Variants in MYZAP observed in about 807,000 individuals in gnomAD.
MYZAP encodes the protein myocardial zonula adherens protein.
MYZAP carries 66 observed loss-of-function variants against 69.4 expected under a neutral mutation model. The ratio of observed to expected loss-of-function variants is 0.95; its 90% CI spans 0.78 to 1.17. MYZAP has a LOEUF of 1.17. MYZAP is among the 50% of genes most tolerant of loss of function. The probability of loss-of-function intolerance (pLI) is 0.00; values close to 1 mark genes in which losing one functional copy is unlikely to be tolerated. For synonymous variants in MYZAP, 256 were observed against 205.9 expected (o/e 1.24, Z -2.09); for missense variants, 611 against 556.2 (o/e 1.10, Z -0.99).
In MYZAP at chr15:57,618,044, G is replaced by C. The variant is rs1363089213; in HGVS notation, c.174G>C (p.Leu58=). ...KIERKEQLLD[L]SNGEPTRKLP... is the part of the protein sequence containing the mutation. The stretch of plus-strand genomic sequence containing the variant: ...CTACTTTCTTTTAGCTTCTTGACCT[G>C]AGCAATGGAGAACCTACCAGGAAAC... Residue 58 remains leucine (L), a synonymous_variant, in exon 3 of 13, where the codon CTG becomes CTC. Coordinates refer to ENST00000267853, the MANE Select transcript of MYZAP (RefSeq NM_001018100.5). 3.1e-6 allele frequency: 5 copies of C among 1,613,200 alleles called. No individual in the cohort carries two copies. Among genetic ancestry groups the C allele is most frequent in the Non-Finnish European group, 4.2e-6 (5 of 1,179,862 alleles).
chr15:57,596,731 A>T (rs749145560), intron 1 of MYZAP, among the ~76,000 whole-genome samples: 16 of 151,938 alleles, frequency 1.1e-4, no homozygotes, highest in Non-Finnish European at 1.8e-4. Context: ...TCCCCTCCCT[A>T]TATGTGGTCT....
In MYZAP at chr15:57,629,820, T is replaced by G. The variant is rs200077771; in HGVS notation, c.644T>G (p.Val215Gly). 6.2e-7 allele frequency: 1 copy of G among 1,613,784 alleles called. No individual in the cohort carries two copies. The change falls in exon 6 of 13, where the codon GTA becomes GGA. Residue 215 changes from valine (V) to glycine (G), a missense_variant. Val to Gly is a moderately radical substitution (Grantham distance 109, BLOSUM62 -3). Transcript: ENST00000267853. ...AGGGAAAAGCAGAGGCAGTTGGAGG[T>G]AGCGCAAGTTGAAAACCAGCTGCTA... ...KLREKQRQLE[V>G]AQVENQLLKM...
At chr15:57,600,489 C>T (rs1008091413) in intron 1 of MYZAP, among the ~76,000 whole-genome samples, 1 of 152,128 alleles carries the variant, frequency 6.6e-6, no homozygotes. Flanking sequence ...ATAAGGGTTG[C>T]CCAGCTCATC....
chr15:57,639,346 G>T, intron 9 of MYZAP, 94 bp from the exon 10 acceptor site: 4 of 1,342,350 alleles, frequency 3.0e-6, no homozygotes, highest in Non-Finnish European at 4.1e-6. Context: ...CATGCTTGGC[G>T]CTCTTGGCAA....
At chr15:57,607,641 A>G (rs1469896794) in intron 2 of MYZAP, among the ~76,000 whole-genome samples, 4 of 152,198 alleles carry the variant, frequency 2.6e-5, no homozygotes, top group South Asian at 2.1e-4. Flanking sequence ...GGGATAGCAT[A>G]TGCACCAGGA....
chr15:57,618,161 G>C lies in MYZAP; in HGVS notation c.291G>C (p.Leu97=). ...MVVYGWSTSQ[L]KEEMNYIKDV... ...TGTATGGGTGGTCCACCAGTCAGCTGAAAGAAGAGATGAACTACATCAAAG... is the reference window on the plus strand; with the variant it reads ...TGTATGGGTGGTCCACCAGTCAGCTCAAAGAAGAGATGAACTACATCAAAG... Residue 97 remains leucine (L), a synonymous_variant, in exon 3 of 13, where the codon CTG becomes CTC. Transcript: ENST00000267853. 6.2e-7 allele frequency: 1 copy of C among 1,614,078 alleles called. No individual in the cohort carries two copies. The highest frequency in any genetic ancestry group is 8.5e-7 in the Non-Finnish European group (1 of 1,179,998).
At chr15:57,654,499 G>A (rs142923934) in intron 10 of MYZAP, among the ~76,000 whole-genome samples, 137 of 152,220 alleles carry the variant, frequency 9.0e-4, no homozygotes, top group African/African-American at 3.0e-3. Flanking sequence ...TTGCCAGCTG[G>A]TGAAAGAAAA....
chr15:57,677,697 A>T (rs376770605), intron 12 of MYZAP, among the ~76,000 whole-genome samples: 1 of 152,154 alleles, frequency 6.6e-6, no homozygotes, highest in African/African-American at 2.4e-5. Context: ...CTTTGTCCCT[A>T]TTCTTCTCCT....
chr15:57,659,686 A>T (rs994137186), intron 10 of MYZAP, among the ~76,000 whole-genome samples: 1 of 152,208 alleles, frequency 6.6e-6, no homozygotes, highest in Non-Finnish European at 1.5e-5. Flanking sequence ...ACTTGGATTA[A>T]TACTTCTCAC....
rs1407037570 is a variant in MYZAP, at chr15:57,643,800, A to G, written c.1119+4255A>G. Reference sequence around the variant, plus strand: ...CCATTAGGCATCCTTTCATTTTGTCATGTCTTTCTTTTGATTTCCCTTTGC... The same window carrying G: ...CCATTAGGCATCCTTTCATTTTGTCGTGTCTTTCTTTTGATTTCCCTTTGC... On this transcript the variant is annotated intron_variant, in intron 10 of 12. Transcript: ENST00000267853. Among the ~76,000 whole-genome samples the G allele has an allele frequency of 2.8e-5, 4 of 143,760 alleles. No homozygotes were observed. The Admixed American group carries it at 2.8e-4, about 10-fold the overall frequency. The allele number at this position is 143,760 out of a possible 152,430, so 94.3% of individuals were successfully genotyped here.
intron 1 of MYZAP, among the ~76,000 whole-genome samples, chr15:57,593,199 C>CACAT (rs2033824610): frequency 2.0e-5 from 3 of 150,304 alleles, no homozygotes; most frequent in Admixed American, 2.0e-4. Context: ...CACACACACA[C>CACAT]ACACACACAC....
At chr15:57,641,720 T>C (rs1188259982) in intron 10 of MYZAP, among the ~76,000 whole-genome samples, 1 of 152,234 alleles carries the variant, frequency 6.6e-6, no homozygotes, top group African/African-American at 2.4e-5. Context: ...TTAGAAAGTT[T>C]GTGTTTGCCC....
chr15:57,674,253 GTCCT>G (rs1159967093), intron 11 of MYZAP, among the ~76,000 whole-genome samples: 2 of 151,256 alleles, frequency 1.3e-5, no homozygotes, highest in Non-Finnish European at 2.9e-5. Context: ...TTGCTTCTTT[GTCCT>G]TCATTTCCCC....
intron 5 of MYZAP, among the ~76,000 whole-genome samples, chr15:57,626,374 C>T (rs1167996284): frequency 6.6e-6 from 1 of 152,086 alleles, no homozygotes; most frequent in Non-Finnish European, 1.5e-5. Flanking sequence ...ATGGATATTC[C>T]ACGTCTTGTA....
At chr15:57,667,864 A>G (rs1302094695) in intron 11 of MYZAP, among the ~76,000 whole-genome samples, 1 of 152,222 alleles carries the variant, frequency 6.6e-6, no homozygotes, top group African/African-American at 2.4e-5. Flanking sequence ...ATCAAGATAG[A>G]GAGAATTTCT....
At chr15:57,600,550 G>T (rs1421345614) in intron 1 of MYZAP, among the ~76,000 whole-genome samples, 1 of 152,198 alleles carries the variant, frequency 6.6e-6, no homozygotes, top group Non-Finnish European at 1.5e-5. Flanking sequence ...ATGGGCTCAA[G>T]CCAGGGGAGG....
chr15:57,596,272 C>G (rs2034052254), intron 1 of MYZAP, among the ~76,000 whole-genome samples: 1 of 152,152 alleles, frequency 6.6e-6, no homozygotes, highest in African/African-American at 2.4e-5. Context: ...CATATCTGAA[C>G]AAGAGACCTG....
intron 4 of MYZAP, among the ~76,000 whole-genome samples, chr15:57,623,779 A>G (rs2035961529): frequency 6.6e-6 from 1 of 151,488 alleles, no homozygotes; most frequent in African/African-American, 2.4e-5. Flanking sequence ...TATCTCTACA[A>G]TAGAATATAT....
At chr15:57,596,393 T>C (rs367804127) in intron 1 of MYZAP, among the ~76,000 whole-genome samples, 25 of 152,264 alleles carry the variant, frequency 1.6e-4, no homozygotes, top group African/African-American at 6.0e-4. Flanking sequence ...GCTGACTAAC[T>C]AGAGACCATG....
Sources: allele counts gnomAD v4.1 joint callset (sites outside exome capture counted in the v4.1 genomes callset), GRCh38; gene constraint gnomAD v4.1.1; transcripts MANE v1.5; gene names NCBI Gene and HGNC (gene_info 2026-07-23, HGNC 2026-07-21).